IQGAP2: variants seen among roughly 807,000 people sequenced by gnomAD.
IQGAP2 encodes IQ motif containing GTPase activating protein 2.
A neutral mutation model predicts 201.3 loss-of-function variants in IQGAP2; 173 were observed. That is an observed-to-expected ratio of 0.86 (90% confidence interval 0.76 to 0.98). The LOEUF is 0.98. IQGAP2 is among the 50% of genes least tolerant of loss of function. The pLI is 0.00. For synonymous variants in IQGAP2, 675 were observed against 673.9 expected (o/e 1.00, Z -0.03); for missense variants, 1,687 against 1,864.8 (o/e 0.90, Z 1.76).
chr5:76,593,927 T>C (rs4704341), intron 9 of IQGAP2, among the ~76,000 whole-genome samples: 2 of 152,092 alleles, frequency 1.3e-5, no homozygotes. Context: ...AGAAATATCC[T>C]AAGGGGCTCA....
chr5:76,414,307 C>A (rs1033059341), intron 1 of IQGAP2, among the ~76,000 whole-genome samples: 1 of 152,062 alleles, frequency 6.6e-6, no homozygotes, highest in African/African-American at 2.4e-5. Flanking sequence ...TAGTCAGCCT[C>A]ATGAAATATG....
Position 76,577,742 on chromosome 5 carries a change from C to T in IQGAP2, c.458+1973C>T, listed in dbSNP as rs114004293. On this transcript the variant is annotated intron_variant, in intron 5 of 35. Transcript: ENST00000274364. ...CATTTGAAAGCTGAGGAACAATCCT[C>T]TAATAAATACAGTGGGTTTGATAAA... Among the ~76,000 whole-genome samples, 790 of 152,310 alleles carry T rather than the reference C, an allele frequency of 5.2e-3. 4 individuals carry two copies. The highest frequency in any genetic ancestry group is 9.0e-3 in the Non-Finnish European group (614 of 68,022).
Position 76,654,931 on chromosome 5 carries a change from C to T in IQGAP2, c.2251-3C>T. 1 of 1,603,264 alleles carries T rather than the reference C, an allele frequency of 6.2e-7. No individual in the cohort carries two copies. Among genetic ancestry groups the T allele is most frequent in the South Asian group, 1.1e-5 (1 of 90,642 alleles). On this transcript the variant is annotated splice_region_variant and splice_polypyrimidine_tract_variant and intron_variant, in intron 19 of 35. Coordinates refer to ENST00000274364, the MANE Select transcript of IQGAP2 (RefSeq NM_006633.5). Reference sequence around the variant, plus strand: ...GATCAAGACTTGTCTTAATCTTTTGCAGAATAATGAAATTGTGAAAATACA... The same window carrying T: ...GATCAAGACTTGTCTTAATCTTTTGTAGAATAATGAAATTGTGAAAATACA...
intron 2 of IQGAP2, among the ~76,000 whole-genome samples, chr5:76,484,046 G>T (rs781073532): frequency 6.7e-6 from 1 of 150,162 alleles, no homozygotes; most frequent in Non-Finnish European, 1.5e-5. Flanking sequence ...TTTTGAGGGC[G>T]GAGACTCTCA....
In IQGAP2 at chr5:76,462,140, G is replaced by C. The variant is rs1198373979; in HGVS notation, c.146+471G>C. Among the ~76,000 whole-genome samples, 7 of 152,336 alleles carry C rather than the reference G, an allele frequency of 4.6e-5. No individual in the cohort carries two copies. In the South Asian group the frequency reaches 1.5e-3, roughly 32 times the overall value. On this transcript the variant is annotated intron_variant, in intron 2 of 35. Coordinates refer to ENST00000274364, the MANE Select transcript of IQGAP2 (RefSeq NM_006633.5). ...CTCCCAGGAAATCACGGGGCCAACT[G>C]CAGATTGTTTCAAATTCTTCATCTC... is the stretch of plus-strand genomic sequence containing the variant.
In IQGAP2 at chr5:76,631,924, G is replaced by T; in HGVS notation, c.1678G>T (p.Val560Leu). Residue 560 changes from valine (V) to leucine (L), a missense_variant, in exon 15 of 36, where the codon GTA (valine) becomes TTA (leucine). Physicochemically the swap from Val to Leu is conservative, Grantham distance 32. Transcript: ENST00000274364. ...EGKKSSDILS[V>L]LKSSTSNAND... ...AAAAAAATCAAGTGATATTTTGTCT[G>T]TATTGAAGTCTTCCACTTCTAATGC... 1 of 1,612,354 alleles carries T rather than the reference G, an allele frequency of 6.2e-7. No individual in the cohort carries two copies. Among genetic ancestry groups the T allele is most frequent in the African/African-American group, 1.3e-5 (1 of 74,974 alleles).
intron 1 of IQGAP2, among the ~76,000 whole-genome samples, chr5:76,434,135 G>A (rs1279423515): frequency 1.3e-5 from 2 of 152,122 alleles, no homozygotes; most frequent in African/African-American, 2.4e-5. Flanking sequence ...TTGACTACTG[G>A]TTGTTTGCAA....
chr5:76,687,381 C>T (rs1025305334), intron 30 of IQGAP2, among the ~76,000 whole-genome samples: 1 of 152,186 alleles, frequency 6.6e-6, no homozygotes, highest in Non-Finnish European at 1.5e-5. Context: ...TTAGCCAAGC[C>T]CTGCTTCTAA....
At chr5:76,539,162 C>T (rs898138057) in intron 2 of IQGAP2, among the ~76,000 whole-genome samples, 4 of 152,214 alleles carry the variant, frequency 2.6e-5, no homozygotes, top group Non-Finnish European at 5.9e-5. Flanking sequence ...GGGCTCCTGC[C>T]CCTCTGACCT....
intron 2 of IQGAP2, among the ~76,000 whole-genome samples, chr5:76,514,417 CT>C (rs1262261007): frequency 6.6e-6 from 1 of 152,102 alleles, no homozygotes; most frequent in Non-Finnish European, 1.5e-5. Flanking sequence ...TGTGGATGAG[CT>C]TTTCCTTATC....
intron 21 of IQGAP2, 93 bp downstream of exon 21, chr5:76,658,760 A>T (rs2150446793): frequency 9.5e-7 from 1 of 1,058,044 alleles, no homozygotes; most frequent in East Asian, 2.4e-5. Flanking sequence ...ACATTCTCAG[A>T]AATGTAGCAT....
rs562328060 is a variant in IQGAP2, at chr5:76,494,762, C to T, written c.146+33093C>T. On this transcript the variant is annotated intron_variant, in intron 2 of 35. Coordinates refer to ENST00000274364, the MANE Select transcript of IQGAP2 (RefSeq NM_006633.5). ...TGCATCATTGACATACACATATACA[C>T]TCAACCCTCCTTGTCCCTACCTCCT... is the stretch of plus-strand genomic sequence containing the variant. Among the ~76,000 whole-genome samples the T allele has an allele frequency of 9.2e-5, 14 of 152,254 alleles. No individual in the cohort carries two copies. In the South Asian group the frequency reaches 2.9e-3, roughly 32 times the overall value.
chr5:76,454,841 A>G (rs1753978635), intron 1 of IQGAP2, among the ~76,000 whole-genome samples: 1 of 152,074 alleles, frequency 6.6e-6, no homozygotes, highest in African/African-American at 2.4e-5. Flanking sequence ...TAGTATTTCT[A>G]GTTCTAGATC....
chr5:76,556,100 TC>T (rs1743925707), intron 2 of IQGAP2, among the ~76,000 whole-genome samples: 1 of 152,150 alleles, frequency 6.6e-6, no homozygotes, highest in Non-Finnish European at 1.5e-5. Flanking sequence ...AACAGCTTCC[TC>T]TGTAAAGGAG....
intron 11 of IQGAP2, among the ~76,000 whole-genome samples, chr5:76,603,177 C>T (rs1184647238): frequency 2.0e-5 from 3 of 152,172 alleles, no homozygotes; most frequent in African/African-American, 4.8e-5. Flanking sequence ...TCTCTGTGTT[C>T]CTATGCGTGG....
intron 1 of IQGAP2, among the ~76,000 whole-genome samples, chr5:76,450,752 A>G (rs1323622107): frequency 1.3e-5 from 2 of 152,168 alleles, no homozygotes; most frequent in East Asian, 1.9e-4. Context: ...GCTGATTTTC[A>G]TATCCTACTT....
chr5:76,539,815 A>G (rs1015447993), intron 2 of IQGAP2, among the ~76,000 whole-genome samples: 1 of 152,080 alleles, frequency 6.6e-6, no homozygotes, highest in African/African-American at 2.4e-5. Flanking sequence ...CCTTGGCTGT[A>G]TTCTAAAAAT....
intron 2 of IQGAP2, among the ~76,000 whole-genome samples, chr5:76,542,505 C>G (rs140345638): frequency 6.6e-6 from 1 of 152,292 alleles, no homozygotes; most frequent in Non-Finnish European, 1.5e-5. Flanking sequence ...TTTTCTGAGG[C>G]TAAAGTTAGT....
intron 1 of IQGAP2, among the ~76,000 whole-genome samples, chr5:76,406,843 C>T (rs1341584458): frequency 6.6e-6 from 1 of 152,168 alleles, no homozygotes; most frequent in African/African-American, 2.4e-5. Flanking sequence ...AGATTCAGAG[C>T]CTTCCTTTCA....
Sources: gnomAD v4.1 joint callset for allele counts (sites outside exome capture counted in the v4.1 genomes callset) on GRCh38, gnomAD v4.1.1 for gene constraint, MANE v1.5 for transcripts, NCBI Gene and HGNC (gene_info 2026-07-23, HGNC 2026-07-21) for gene names.